The following TRHDE variants were observed in gnomAD, a reference collection of about 807,000 sequenced individuals.
TRHDE encodes the protein thyrotropin releasing hormone degrading enzyme, also known as thyrotropin-releasing hormone-degrading ectoenzyme.
In TRHDE, 72 loss-of-function variants were observed where a neutral mutation model predicts 125.7. The observed-to-expected ratio is 0.57, with a 90% confidence interval of 0.47 to 0.70. The LOEUF is 0.70. TRHDE is among the 30% of genes least tolerant of loss of function. TRHDE has a pLI of 0.00. For synonymous variants in TRHDE, 509 were observed against 509.1 expected (o/e 1.00, Z 0.00); for missense variants, 1,110 against 1,327.1 (o/e 0.84, Z 2.54).
intron 15 of TRHDE, among the ~76,000 whole-genome samples, chr12:72,635,378 G>A (rs532000219): frequency 6.6e-6 from 1 of 152,062 alleles, no homozygotes; most frequent in East Asian, 1.9e-4. Context: ...ATTTGTTTGA[G>A]TTCATTGTAG....
At chr12:72,211,458 A>T (rs1877780372) in intron 2 of TRHDE, among the ~76,000 whole-genome samples, 1 of 152,238 alleles carries the variant, frequency 6.6e-6, no homozygotes, top group African/African-American at 2.4e-5. Context: ...TTTTATAAAG[A>T]TAAAATAGTC....
intron 2 of TRHDE, among the ~76,000 whole-genome samples, chr12:72,125,931 C>T (rs1186284962): frequency 6.6e-6 from 1 of 152,038 alleles, no homozygotes; most frequent in African/African-American, 2.4e-5. Context: ...TCTGGGGAGA[C>T]CAAGGTGGCC....
chr12:72,414,495 A>G (rs1873647149), intron 3 of TRHDE, among the ~76,000 whole-genome samples: 2 of 152,156 alleles, frequency 1.3e-5, no homozygotes, highest in South Asian at 4.1e-4. Flanking sequence ...ATGAATTGAA[A>G]AAGGCAAAGA....
intron 2 of TRHDE, among the ~76,000 whole-genome samples, chr12:72,363,327 T>C (rs1244866914): frequency 7.7e-6 from 1 of 129,640 alleles, no homozygotes. Flanking sequence ...CAAAAAAGAA[T>C]TTTAGTCCAA....
intron 3 of TRHDE, among the ~76,000 whole-genome samples, chr12:72,451,109 G>A (rs1875548827): frequency 6.6e-6 from 1 of 152,078 alleles, no homozygotes; most frequent in African/African-American, 2.4e-5. Context: ...TTGCTGCATA[G>A]AAGTATTTTA....
intron 2 of TRHDE, among the ~76,000 whole-genome samples, chr12:72,259,873 A>C (rs1878907069): frequency 6.6e-6 from 1 of 152,184 alleles, no homozygotes; most frequent in Admixed American, 6.5e-5. Flanking sequence ...AGAGGCAAGC[A>C]CTGGCCTCAT....
chr12:72,130,818 C>T (rs1322544075), intron 2 of TRHDE, among the ~76,000 whole-genome samples: 2 of 152,128 alleles, frequency 1.3e-5, no homozygotes, highest in Non-Finnish European at 2.9e-5. Flanking sequence ...TGACTGCAAA[C>T]AACTTCATAC....
At chr12:72,473,309 C>G in intron 5 of TRHDE, 129 bp downstream of exon 5, 1 of 614,334 alleles carries the variant, frequency 1.6e-6, no homozygotes, top group Admixed American at 3.2e-5. Flanking sequence ...AAAGTGTAAC[C>G]AAAAATTGAA....
At chr12:72,497,245 A>C (rs1877960030) in intron 5 of TRHDE, among the ~76,000 whole-genome samples, 1 of 152,132 alleles carries the variant, frequency 6.6e-6, no homozygotes, top group Non-Finnish European at 1.5e-5. Flanking sequence ...TGAGGCAGTA[A>C]TATGATATAT....
chr12:72,175,341 A>G (rs956964733), intron 2 of TRHDE, among the ~76,000 whole-genome samples: 1 of 152,210 alleles, frequency 6.6e-6, no homozygotes, highest in Non-Finnish European at 1.5e-5. Context: ...CTTCCTTACC[A>G]GAACAAATTA....
intron 12 of TRHDE, among the ~76,000 whole-genome samples, chr12:72,608,700 C>T (rs746738619): frequency 6.6e-6 from 1 of 152,206 alleles, no homozygotes; most frequent in Admixed American, 6.5e-5. Context: ...ACTTCTCCCT[C>T]CATCCCCATT....
chr12:72,594,632 T>C (rs929003362), intron 12 of TRHDE, among the ~76,000 whole-genome samples: 2 of 152,066 alleles, frequency 1.3e-5, no homozygotes, highest in African/African-American at 4.8e-5. Context: ...AAAAGTATTT[T>C]CTGTATTTTA....
At chr12:72,341,557 G>C (rs1043609673) in intron 2 of TRHDE, among the ~76,000 whole-genome samples, 1 of 152,116 alleles carries the variant, frequency 6.6e-6, no homozygotes, top group Non-Finnish European at 1.5e-5. Flanking sequence ...TGCATTGATG[G>C]TTTTTAAGCA....
intron 12 of TRHDE, among the ~76,000 whole-genome samples, chr12:72,586,536 T>C (rs372551120): frequency 6.6e-6 from 1 of 152,302 alleles, no homozygotes; most frequent in East Asian, 1.9e-4. Flanking sequence ...GCTTGCTTAA[T>C]GTTAAAGATG....
intron 2 of TRHDE, among the ~76,000 whole-genome samples, chr12:72,169,423 T>A (rs746813980): frequency 3.4e-4 from 52 of 152,296 alleles, no homozygotes; most frequent in Non-Finnish European, 1.5e-4. Flanking sequence ...CTTACATATC[T>A]GGAGGCTAGA....
At chr12:72,154,353 G>C (rs1472976111) in intron 2 of TRHDE, among the ~76,000 whole-genome samples, 1 of 152,042 alleles carries the variant, frequency 6.6e-6, no homozygotes, top group Non-Finnish European at 1.5e-5. Flanking sequence ...TATCCAATTT[G>C]CCAGTCTGTG....
intron 12 of TRHDE, among the ~76,000 whole-genome samples, chr12:72,606,683 T>C (rs570318253): frequency 6.6e-6 from 1 of 152,294 alleles, no homozygotes; most frequent in African/African-American, 2.4e-5. Flanking sequence ...ATTTAGACCC[T>C]ACTTTGTTTT....
intron 7 of TRHDE, among the ~76,000 whole-genome samples, chr12:72,558,819 C>A (rs939249167): frequency 6.6e-6 from 1 of 152,006 alleles, no homozygotes; most frequent in African/African-American, 2.4e-5. Context: ...AGAAGGGCCA[C>A]CAAAAGGAGC....
chr12:72,303,581 G>T (rs995719953), intron 2 of TRHDE, among the ~76,000 whole-genome samples: 6 of 152,062 alleles, frequency 3.9e-5, no homozygotes, highest in Non-Finnish European at 8.8e-5. Context: ...TGGAAGCTCA[G>T]CTTTAAGGGT....
Sources: allele counts gnomAD v4.1 joint callset (sites outside exome capture counted in the v4.1 genomes callset), GRCh38; gene constraint gnomAD v4.1.1; transcripts MANE v1.5; gene names NCBI Gene and HGNC (gene_info 2026-07-23, HGNC 2026-07-21).